The following DSCAM variants were observed in gnomAD, a reference collection of about 807,000 sequenced individuals.
The protein encoded by DSCAM is DS cell adhesion molecule, also known as cell adhesion molecule DSCAM.
In DSCAM, 47 loss-of-function variants were observed where a neutral mutation model predicts 217.7. The ratio of observed to expected loss-of-function variants is 0.22; its 90% CI spans 0.17 to 0.28. The LOEUF (loss-of-function observed/expected upper bound fraction) is 0.28. DSCAM is among the 10% of genes least tolerant of loss of function. The pLI is 1.00. For synonymous variants in DSCAM, 1,056 were observed against 1,015.3 expected (o/e 1.04, Z -0.76); for missense variants, 2,080 against 2,618.3 (o/e 0.79, Z 4.49).
At position 40,016,893 on chromosome 21, in the gene DSCAM, A is replaced by C. The variant is rs903951415; in HGVS notation, c.5687-3507T>G. Among the ~76,000 whole-genome samples the C allele has an allele frequency of 5.3e-5, 8 of 152,216 alleles. No homozygotes were observed. The East Asian group carries it at 1.4e-3, about 26-fold the overall frequency. On this transcript the variant is annotated intron_variant, in intron 32 of 32. Transcript: ENST00000400454. The surrounding 1 kb of genome is among the most constrained non-coding windows in gnomAD (Gnocchi z 4.3). The stretch of plus-strand genomic sequence containing the variant: ...CCACTTTGGGAGGCCTAGGCAATGG[A>C]TCACCTGAGGTCAGGTGTTCGAGAC...
chr21:40,738,115 C>A (rs926968537), intron 1 of DSCAM, among the ~76,000 whole-genome samples: 2 of 152,086 alleles, frequency 1.3e-5, no homozygotes, highest in Non-Finnish European at 2.9e-5. Flanking sequence ...TGTTATGTAC[C>A]CCCTCCCCGT....
intron 3 of DSCAM, among the ~76,000 whole-genome samples, chr21:40,669,485 T>C (rs1160015205): frequency 6.6e-6 from 1 of 152,202 alleles, no homozygotes; most frequent in Admixed American, 6.5e-5. Context: ...TCTGCTTTCC[T>C]GTAGCTTATA....
intron 26 of DSCAM, among the ~76,000 whole-genome samples, chr21:40,076,987 GAGAGGCCAGCTTGGA>G (rs2146550090): frequency 6.6e-6 from 1 of 152,310 alleles, no homozygotes; most frequent in Admixed American, 6.5e-5. Context: ...ATATTACAGG[GAGAGGCCAGCTTGGA>G]AGTGCTCCTC....
At chr21:40,494,013 A>T in intron 3 of DSCAM, among the ~76,000 whole-genome samples, 1 of 151,820 alleles carries the variant, frequency 6.6e-6, no homozygotes, top group East Asian at 1.9e-4. Flanking sequence ...TGTAATCCTC[A>T]TGGTAATCAT....
At chr21:40,506,015 T>C (rs909451279) in intron 3 of DSCAM, among the ~76,000 whole-genome samples, 1 of 152,226 alleles carries the variant, frequency 6.6e-6, no homozygotes, top group African/African-American at 2.4e-5. Context: ...ATAAAGTCAC[T>C]GCTGCAAAGT....
At position 40,042,040 on chromosome 21, in the gene DSCAM, G is replaced by A. The variant is rs544151755; in HGVS notation, c.5686+331C>T. 5.0e-4 allele frequency among the ~76,000 whole-genome samples: 76 copies of A among 152,274 alleles called. 1 individual carries two copies. Among genetic ancestry groups the A allele is most frequent in the African/African-American group, 1.5e-3 (64 of 41,540 alleles). On this transcript the variant is annotated intron_variant, in intron 32 of 32. Transcript: ENST00000400454. ...GCTGCTAGAACCCAGCCACCATGCT[G>A]TGAGGAAGCTAAAGCACCTTGTGGA...
At chr21:40,182,508 G>C (rs1314545681) in intron 14 of DSCAM, among the ~76,000 whole-genome samples, 1 of 151,008 alleles carries the variant, frequency 6.6e-6, no homozygotes, top group African/African-American at 2.4e-5. Flanking sequence ...CAGGACGGAG[G>C]CACCGGAGAA....
intron 3 of DSCAM, among the ~76,000 whole-genome samples, chr21:40,423,507 G>A (rs570410399): frequency 1.3e-5 from 2 of 152,312 alleles, no homozygotes; most frequent in South Asian, 4.1e-4. Context: ...CACCTGAAGT[G>A]GGCCAGCCTA....
intron 16 of DSCAM, among the ~76,000 whole-genome samples, chr21:40,165,132 A>T (rs549392990): frequency 1.3e-5 from 2 of 152,308 alleles, no homozygotes; most frequent in African/African-American, 4.8e-5. Flanking sequence ...ACCGTGGCTG[A>T]CAGATGTGGG....
chr21:40,780,726 GAC>G (rs918492563), intron 1 of DSCAM, among the ~76,000 whole-genome samples: 11 of 152,078 alleles, frequency 7.2e-5, no homozygotes, highest in Admixed American at 7.2e-4. Context: ...GGCCTATAAA[GAC>G]ACACAGAGAA....
chr21:40,754,596 C>T (rs187182700), intron 1 of DSCAM, among the ~76,000 whole-genome samples: 12 of 152,302 alleles, frequency 7.9e-5, no homozygotes, highest in Admixed American at 2.6e-4. Context: ...TCACCACCTC[C>T]GGCTGTCACT....
At chr21:40,550,153 G>A (rs572894089) in intron 3 of DSCAM, among the ~76,000 whole-genome samples, 4 of 152,270 alleles carry the variant, frequency 2.6e-5, no homozygotes, top group African/African-American at 9.6e-5. Flanking sequence ...CCCCAGGCCT[G>A]ACACTCAGCT....
At chr21:40,264,890 C>A (rs888810265) in intron 11 of DSCAM, among the ~76,000 whole-genome samples, 1 of 152,154 alleles carries the variant, frequency 6.6e-6, no homozygotes, top group Non-Finnish European at 1.5e-5. Context: ...CCAACAATGA[C>A]CAAGCTGAGA....
intron 3 of DSCAM, among the ~76,000 whole-genome samples, chr21:40,479,891 T>C (rs530698644): frequency 1.2e-4 from 19 of 152,346 alleles, no homozygotes; most frequent in African/African-American, 3.6e-4. Flanking sequence ...CAGACATATG[T>C]GTGTGTACAT....
chr21:40,224,045 C>T lies in DSCAM; in HGVS notation c.2357-34807G>A, dbSNP rs773625163. ...AAGCAAAATGAATTTCTCAAAATAACCCACAGTGTCATAACAATGTATGTA... is the reference window on the plus strand; with the variant it reads ...AAGCAAAATGAATTTCTCAAAATAATCCACAGTGTCATAACAATGTATGTA... On this transcript the variant is annotated intron_variant, in intron 11 of 32. Coordinates refer to ENST00000400454, the MANE Select transcript of DSCAM (RefSeq NM_001389.5). 2.6e-5 allele frequency among the ~76,000 whole-genome samples: 4 copies of T among 152,172 alleles called. No individual in the cohort carries two copies. The East Asian group carries it at 7.7e-4, about 29-fold the overall frequency.
At chr21:40,362,044 T>C (rs1422123970) in intron 4 of DSCAM, among the ~76,000 whole-genome samples, 2 of 152,148 alleles carry the variant, frequency 1.3e-5, no homozygotes, top group African/African-American at 4.8e-5. Context: ...GTCCTTGCGA[T>C]AGTTTACTGA....
intron 3 of DSCAM, among the ~76,000 whole-genome samples, chr21:40,666,867 T>C (rs2090207811): frequency 6.6e-6 from 1 of 152,256 alleles, no homozygotes. Flanking sequence ...AAAGCCACTG[T>C]GGCTGGTTAG....
chr21:40,839,005 T>C (rs893914958), intron 1 of DSCAM, among the ~76,000 whole-genome samples: 4 of 152,218 alleles, frequency 2.6e-5, no homozygotes, highest in African/African-American at 9.6e-5. Flanking sequence ...TCATTTCTTT[T>C]TTTATGCTAA....
intron 1 of DSCAM, among the ~76,000 whole-genome samples, chr21:40,840,185 G>C (rs1389936700): frequency 6.6e-6 from 1 of 152,106 alleles, no homozygotes; most frequent in Non-Finnish European, 1.5e-5. Context: ...CTTTGATGAA[G>C]ATAGCAACTG....
Sources: allele counts gnomAD v4.1 joint callset (sites outside exome capture counted in the v4.1 genomes callset), GRCh38; gene constraint gnomAD v4.1.1; non-coding constraint Gnocchi (gnomAD v3.1); transcripts MANE v1.5; gene names NCBI Gene and HGNC (gene_info 2026-07-23, HGNC 2026-07-21).